The following ITGA9 variants were observed in gnomAD, a reference collection of about 807,000 sequenced individuals.
The protein encoded by ITGA9 is integrin subunit alpha 9.
Under a neutral mutation model 127.8 loss-of-function variants are expected in ITGA9, and 56 were observed. That is an observed-to-expected ratio of 0.44 (90% CI 0.35 to 0.55). The LOEUF (loss-of-function observed/expected upper bound fraction) is 0.55. ITGA9 is among the 20% of genes least tolerant of loss of function. The pLI is 0.00. For missense variants in ITGA9, 1,196 were observed against 1,347.1 expected (o/e 0.89, Z 1.76); for synonymous variants, 508 against 514.5 (o/e 0.99, Z 0.17).
At chr3:37,512,166 TTTC>T (rs1324859734) in intron 8 of ITGA9, among the ~76,000 whole-genome samples, 1 of 24,072 alleles carries the variant, frequency 4.2e-5, no homozygotes, top group African/African-American at 1.4e-4. Flanking sequence ...TTTCTTTTCT[TTTC>T]TTTTCTTTTC....
chr3:37,812,610 T>A (rs1177345160), intron 27 of ITGA9, among the ~76,000 whole-genome samples: 1 of 152,260 alleles, frequency 6.6e-6, no homozygotes, highest in Admixed American at 6.5e-5. Flanking sequence ...AAATTGTGTA[T>A]GTCTGTTACG....
At chr3:37,519,411 A>G (rs1353435884) in intron 11 of ITGA9, 57 bp downstream of exon 11, 2 of 1,372,892 alleles carry the variant, frequency 1.5e-6, no homozygotes, top group Non-Finnish European at 2.1e-6. Context: ...GCAAACATGT[A>G]TGGAACCTTC....
rs765238442 is a variant in ITGA9 at position 37,750,405 on chromosome 3, G to C, written c.2434-57G>C. ...TCTTAGAATATATATTGCATGACAG[G>C]AAATGGAGGTCTGCTATTTTCCACT... On this transcript the variant is annotated intron_variant, in intron 22 of 27. Transcript: ENST00000264741. 181 of 988,452 alleles carry C rather than the reference G, an allele frequency of 1.8e-4. 1 individual carries two copies. The highest frequency in any genetic ancestry group is 1.5e-3 in the Admixed American group (88 of 59,128). The allele number at this position is 988,452 out of a possible 1,614,324, so 61.2% of individuals were successfully genotyped here.
At chr3:37,729,077 C>G (rs1202486948) in intron 18 of ITGA9, among the ~76,000 whole-genome samples, 1 of 152,032 alleles carries the variant, frequency 6.6e-6, no homozygotes, top group Non-Finnish European at 1.5e-5. Flanking sequence ...CGACTCCATT[C>G]AAGCTGTTGT....
In ITGA9 at chr3:37,597,975, C is replaced by T. The variant is rs1699884406; in HGVS notation, c.1690-31212C>T. Reference sequence around the variant, plus strand: ...AAGCACGAGAAGGCAGAATTGGGCCCTTGATAAGATCATCCTAACACAGAG... The same window carrying T: ...AAGCACGAGAAGGCAGAATTGGGCCTTTGATAAGATCATCCTAACACAGAG... On this transcript the variant is annotated intron_variant, in intron 15 of 27. Transcript: ENST00000264741. The surrounding 1 kb of genome is among the most constrained non-coding windows in gnomAD (Gnocchi z 4.6). 6.6e-6 allele frequency among the ~76,000 whole-genome samples: 1 copy of T among 152,220 alleles called. No homozygotes were observed. The highest frequency in any genetic ancestry group is 1.5e-5 in the Non-Finnish European group (1 of 68,042).
chr3:37,631,588 A>C (rs897817099), intron 16 of ITGA9, among the ~76,000 whole-genome samples: 4 of 152,218 alleles, frequency 2.6e-5, no homozygotes, highest in Non-Finnish European at 5.9e-5. Context: ...ATAAGAGTCC[A>C]GTAATTTTCT....
intron 15 of ITGA9, among the ~76,000 whole-genome samples, chr3:37,582,103 C>T (rs773534020): frequency 4.6e-5 from 7 of 152,178 alleles, no homozygotes; most frequent in South Asian, 2.1e-4. Context: ...AAACCCTCCA[C>T]GTGTTTTATG....
intron 15 of ITGA9, among the ~76,000 whole-genome samples, chr3:37,600,385 A>G (rs1204366613): frequency 6.6e-6 from 1 of 152,166 alleles, no homozygotes; most frequent in Non-Finnish European, 1.5e-5. Context: ...TCTCAGTTTA[A>G]CCTGCTGTCC....
intron 1 of ITGA9, among the ~76,000 whole-genome samples, chr3:37,460,327 G>A (rs1372652897): frequency 3.3e-5 from 5 of 152,094 alleles, no homozygotes; most frequent in Admixed American, 1.3e-4. Flanking sequence ...AGGCATGAAT[G>A]GGTACAAAAA....
At chr3:37,583,366 G>A (rs900054911) in intron 15 of ITGA9, among the ~76,000 whole-genome samples, 4 of 152,170 alleles carry the variant, frequency 2.6e-5, no homozygotes, top group Admixed American at 6.5e-5. Flanking sequence ...GCATGTGCAT[G>A]ATGAGCACCC....
At chr3:37,649,217 A>G (rs1700407585) in intron 16 of ITGA9, among the ~76,000 whole-genome samples, 1 of 152,114 alleles carries the variant, frequency 6.6e-6, no homozygotes. Flanking sequence ...GGCAATAGTA[A>G]ATCTGTCTCT....
At chr3:37,694,764 G>C (rs896158264) in intron 18 of ITGA9, among the ~76,000 whole-genome samples, 2 of 152,154 alleles carry the variant, frequency 1.3e-5, no homozygotes, top group African/African-American at 4.8e-5. Context: ...AAGGGGAAAG[G>C]GGGGAGTCTT....
chr3:37,614,848 G>T (rs1336808488), intron 15 of ITGA9, among the ~76,000 whole-genome samples: 1 of 152,182 alleles, frequency 6.6e-6, no homozygotes, highest in Non-Finnish European at 1.5e-5. Context: ...TTGCTTATCA[G>T]CTTAAGGAGA....
chr3:37,542,115 G>A (rs1054905406), intron 14 of ITGA9, among the ~76,000 whole-genome samples: 3 of 152,170 alleles, frequency 2.0e-5, no homozygotes, highest in Non-Finnish European at 4.4e-5. Context: ...GGTACACCTT[G>A]TTAATGGGCA....
At chr3:37,658,418 G>T (rs1374310394) in intron 17 of ITGA9, among the ~76,000 whole-genome samples, 2 of 152,172 alleles carry the variant, frequency 1.3e-5, no homozygotes, top group Non-Finnish European at 2.9e-5. Flanking sequence ...CTTGTTGCAT[G>T]ATCCCTTCAC....
intron 15 of ITGA9, among the ~76,000 whole-genome samples, chr3:37,557,096 T>C (rs1238841182): frequency 6.6e-6 from 1 of 152,220 alleles, no homozygotes; most frequent in East Asian, 1.9e-4. Flanking sequence ...ATGTCAGAAA[T>C]CTATTTCCCC....
At chr3:37,529,857 C>T (rs756474529) in intron 13 of ITGA9, among the ~76,000 whole-genome samples, 5 of 152,106 alleles carry the variant, frequency 3.3e-5, no homozygotes, top group Non-Finnish European at 5.9e-5. Context: ...GCGAGGGGCC[C>T]TCATCTTCTG....
intron 15 of ITGA9, among the ~76,000 whole-genome samples, chr3:37,586,296 A>C (rs1356891487): frequency 1.3e-5 from 2 of 152,232 alleles, no homozygotes; most frequent in African/African-American, 4.8e-5. Flanking sequence ...GAGAACCACT[A>C]CATGACTTCT....
intron 15 of ITGA9, among the ~76,000 whole-genome samples, chr3:37,604,864 G>C (rs973988612): frequency 1.3e-5 from 2 of 152,094 alleles, no homozygotes; most frequent in Admixed American, 6.5e-5. Flanking sequence ...AAAGTTCTAA[G>C]GCTCATGGGT....
Sources: allele counts gnomAD v4.1 joint callset (sites outside exome capture counted in the v4.1 genomes callset), GRCh38; gene constraint gnomAD v4.1.1; non-coding constraint Gnocchi (gnomAD v3.1); transcripts MANE v1.5; gene names NCBI Gene and HGNC (gene_info 2026-07-23, HGNC 2026-07-21).